Variants in C2CD2 observed in about 807,000 individuals in gnomAD.
C2CD2 encodes C2 calcium dependent domain containing 2.
C2CD2 carries 43 observed loss-of-function variants against 74.3 expected under a neutral mutation model. The observed-to-expected ratio is 0.58, with a 90% CI of 0.45 to 0.75. C2CD2 has a LOEUF of 0.75. Among genes scored for constraint, C2CD2 ranks in the 30% least tolerant of loss-of-function variants. The probability of loss-of-function intolerance (pLI) is 0.00; values close to 1 mark genes in which losing one functional copy is unlikely to be tolerated. For missense variants in C2CD2, 801 were observed against 916.3 expected (o/e 0.87, Z 1.63); for synonymous variants, 422 against 390.7 (o/e 1.08, Z -0.94).
chr21:41,923,318 A>G lies in C2CD2; in HGVS notation c.379-1233T>C, dbSNP rs2065175907. Among the ~76,000 whole-genome samples the G allele has an allele frequency of 6.6e-6, 1 of 152,118 alleles. No homozygotes were observed. The highest frequency in any genetic ancestry group is 2.1e-4 in the South Asian group (1 of 4,818). On this transcript the variant is annotated intron_variant, in intron 2 of 13. Transcript: ENST00000380486. This position sits in a 1 kb window ranked among gnomAD's most constrained non-coding sequence, Gnocchi z 5.8. ...AACAAAGTCTTTTTCTTTAAATATC[A>G]TCTTGTTCTATTTCTCCACAATAGC...
At chr21:41,919,100 A>C (rs1601581986) in intron 3 of C2CD2, 140 bp from the exon 4 acceptor site, 2 of 669,102 alleles carry the variant, frequency 3.0e-6, no homozygotes, top group East Asian at 5.3e-5. Flanking sequence ...ATATGAGTGC[A>C]TGTGAGTGTG....
In C2CD2 at chr21:41,895,495, C is replaced by T. The variant is rs779715051; in HGVS notation, c.1870+3558G>A. Among the ~76,000 whole-genome samples the T allele has an allele frequency of 3.3e-5, 5 of 152,126 alleles. No individual in the cohort carries two copies. Among genetic ancestry groups the T allele is most frequent in the African/African-American group, 1.2e-4 (5 of 41,398 alleles). ...CCTTCTCTACGCCAACAGCAAGAAG[C>T]GAGATTTAGACCTCACCCACAACCT... On this transcript the variant is annotated intron_variant, in intron 13 of 13. Transcript: ENST00000380486. This position sits in a 1 kb window ranked among gnomAD's most constrained non-coding sequence, Gnocchi z 5.0.
chr21:41,918,995 T>C (rs1177187697), intron 3 of C2CD2, 35 bp from the exon 4 acceptor site: 4 of 1,496,942 alleles, frequency 2.7e-6, no homozygotes, highest in East Asian at 2.3e-5. Context: ...GGCCACTCTT[T>C]CCACCAAAGC....
chr21:41,914,831 G>C (rs111340260), intron 5 of C2CD2, 110 bp from the exon 6 acceptor site: 10 of 891,994 alleles, frequency 1.1e-5, no homozygotes, highest in Non-Finnish European at 1.7e-5. Context: ...GGTGTCTACA[G>C]GAAAACCTGC....
intron 6 of C2CD2, among the ~76,000 whole-genome samples, chr21:41,913,706 T>G (rs1005485185): frequency 1.2e-4 from 18 of 152,358 alleles, no homozygotes; most frequent in African/African-American, 3.6e-4. Flanking sequence ...TAAGTCACCT[T>G]TAACATACTC....
At chr21:41,905,479 A>T (rs1167863890) in intron 11 of C2CD2, among the ~76,000 whole-genome samples, 2 of 152,034 alleles carry the variant, frequency 1.3e-5, no homozygotes, top group Non-Finnish European at 2.9e-5. Context: ...CACCACGCCC[A>T]GCTAATTTTT....
chr21:41,952,018 G>A (rs1290627199), intron 1 of C2CD2, among the ~76,000 whole-genome samples: 1 of 152,200 alleles, frequency 6.6e-6, no homozygotes, highest in African/African-American at 2.4e-5. Flanking sequence ...TCAGTCAGGG[G>A]TCAGTGATGG....
chr21:41,914,803 G>A (rs1283913620), intron 5 of C2CD2, 82 bp from the exon 6 acceptor site: 4 of 1,245,784 alleles, frequency 3.2e-6, no homozygotes, highest in Admixed American at 2.0e-5. Context: ...CTCCTGTTAT[G>A]GGGGGTGGTG....
intron 1 of C2CD2, among the ~76,000 whole-genome samples, chr21:41,944,423 G>A (rs2065381037): frequency 6.6e-6 from 1 of 150,716 alleles, no homozygotes; most frequent in African/African-American, 2.4e-5. Flanking sequence ...TCGGGAGGCT[G>A]AGGCAGGAGA....
At chr21:41,938,162 C>T (rs2065324046) in intron 2 of C2CD2, among the ~76,000 whole-genome samples, 1 of 148,816 alleles carries the variant, frequency 6.7e-6, no homozygotes, top group Non-Finnish European at 1.5e-5. Context: ...AGCCATTCCA[C>T]ACGTGTATAT....
At position 41,925,868 on chromosome 21, in the gene C2CD2, G is replaced by C. The variant is rs536277651; in HGVS notation, c.379-3783C>G. Among the ~76,000 whole-genome samples, 6 of 152,144 alleles carry C rather than the reference G, an allele frequency of 3.9e-5. No homozygotes were observed. In the South Asian group the frequency reaches 1.2e-3, roughly 32 times the overall value. On this transcript the variant is annotated intron_variant, in intron 2 of 13. Transcript: ENST00000380486. Reference sequence around the variant, plus strand: ...ACATCTACCTAAATACCCACGAGTGGGTAGAGACCCTGATTTTGACCCTAG... The same window carrying C: ...ACATCTACCTAAATACCCACGAGTGCGTAGAGACCCTGATTTTGACCCTAG...
intron 3 of C2CD2, among the ~76,000 whole-genome samples, chr21:41,921,734 CCT>C (rs1323678816): frequency 1.3e-5 from 2 of 150,938 alleles, no homozygotes; most frequent in African/African-American, 2.4e-5. Flanking sequence ...AGAGGCAACC[CCT>C]GAGTTTATTA....
chr21:41,951,561 A>C (rs2065450922), intron 1 of C2CD2, among the ~76,000 whole-genome samples: 1 of 152,184 alleles, frequency 6.6e-6, no homozygotes, highest in South Asian at 2.1e-4. Context: ...AGAACAGAGA[A>C]GGCGCAAACA....
intron 10 of C2CD2, among the ~76,000 whole-genome samples, chr21:41,906,242 G>A (rs1417519980): frequency 2.0e-5 from 3 of 152,206 alleles, no homozygotes; most frequent in African/African-American, 7.2e-5. Flanking sequence ...ATGACAGTCC[G>A]TCAAGCCTTC....
rs1434545012 is a variant in C2CD2 at position 41,953,691 on chromosome 21, C to T, written c.-43G>A. The T allele has an allele frequency of 7.4e-7, 1 of 1,354,938 alleles. No homozygotes were observed. Among genetic ancestry groups the T allele is most frequent in the Non-Finnish European group, 9.5e-7 (1 of 1,057,672 alleles). 83.9% of individuals were successfully genotyped at this position (1,354,938 alleles called of 1,614,324 possible). The stretch of plus-strand genomic sequence containing the variant: ...CCTCGCCCCAACTTCCCCGGCAGCC[C>T]CGGGCCGGAACGGCGGACTCAGGAC... On this transcript the variant is annotated 5_prime_UTR_variant, in exon 1 of 14. Transcript: ENST00000380486.
intron 13 of C2CD2, chr21:41,894,654 T>C (rs749062745): frequency 6.1e-5 from 28 of 456,284 alleles, no homozygotes; most frequent in Admixed American, 2.3e-4. Context: ...CCAGAATGAG[T>C]TGCGTCTCCA....
intron 1 of C2CD2, 28 bp downstream of exon 1, chr21:41,953,342 C>A: frequency 7.3e-7 from 1 of 1,375,338 alleles, no homozygotes; most frequent in Non-Finnish European, 9.5e-7. Flanking sequence ...CATCTGCCGC[C>A]CCCCGGCCCG....
rs561879911 is a variant in C2CD2 at position 41,911,634 on chromosome 21, C to T, written c.953+698G>A. ...TGGTCTCGAACTCCTGACCTCTACCCACCTCAGCCTCCCAAAGTACTGGGA... is the reference window on the plus strand; with the variant it reads ...TGGTCTCGAACTCCTGACCTCTACCTACCTCAGCCTCCCAAAGTACTGGGA... On this transcript the variant is annotated intron_variant, in intron 7 of 13. Coordinates refer to ENST00000380486, the MANE Select transcript of C2CD2 (RefSeq NM_015500.2). Among the ~76,000 whole-genome samples, 12 of 151,868 alleles carry T rather than the reference C, an allele frequency of 7.9e-5. No individual in the cohort carries two copies. The South Asian group carries it at 1.0e-3, about 13-fold the overall frequency.
rs9325617 is a variant in C2CD2 at position 41,939,660 on chromosome 21, T to G, written c.378+2487A>C. Among the ~76,000 whole-genome samples, 1 of 152,068 alleles carries G rather than the reference T, an allele frequency of 6.6e-6. No homozygotes were observed. The highest frequency in any genetic ancestry group is 1.9e-4 in the East Asian group (1 of 5,194). On this transcript the variant is annotated intron_variant, in intron 2 of 13. Transcript: ENST00000380486. This position sits in a 1 kb window ranked among gnomAD's most constrained non-coding sequence, Gnocchi z 5.5. ...GTCTCAGCATCCCGCACCGCTGCCA[T>G]GGGCTTCCTCCTGCAACCCCAGTAC...
Sources: allele counts gnomAD v4.1 joint callset (sites outside exome capture counted in the v4.1 genomes callset), GRCh38; gene constraint gnomAD v4.1.1; non-coding constraint Gnocchi (gnomAD v3.1); transcripts MANE v1.5; gene names NCBI Gene and HGNC (gene_info 2026-07-23, HGNC 2026-07-21).